PTPRR: variants seen among roughly 807,000 people sequenced by gnomAD.
PTPRR encodes the protein protein tyrosine phosphatase receptor type R.
In PTPRR, 38 loss-of-function variants were observed where a neutral mutation model predicts 77.2. That is an observed-to-expected ratio of 0.49 (90% CI 0.38 to 0.65). The LOEUF (loss-of-function observed/expected upper bound fraction) is 0.65, where lower values mean the gene tolerates loss of function less well. Among genes scored for constraint, PTPRR ranks in the 30% least tolerant of loss-of-function variants. PTPRR has a pLI of 0.00. For synonymous variants in PTPRR, 299 were observed against 283.1 expected (o/e 1.06, Z -0.57); for missense variants, 744 against 799.2 (o/e 0.93, Z 0.83).
intron 2 of PTPRR, among the ~76,000 whole-genome samples, chr12:70,806,017 T>C (rs1891703994): frequency 6.6e-6 from 1 of 152,212 alleles, no homozygotes; most frequent in Admixed American, 6.5e-5. Flanking sequence ...GACCTTTAAG[T>C]TCTGATGTGG....
chr12:70,718,898 T>C (rs2136838201), intron 6 of PTPRR, among the ~76,000 whole-genome samples: 1 of 152,332 alleles, frequency 6.6e-6, no homozygotes, highest in South Asian at 2.1e-4. Flanking sequence ...TTTGGACTTT[T>C]TTGCTTTCGT....
chr12:70,788,432 T>C (rs1404450518), intron 2 of PTPRR, among the ~76,000 whole-genome samples: 1 of 152,220 alleles, frequency 6.6e-6, no homozygotes, highest in Non-Finnish European at 1.5e-5. Context: ...AGTCATCTTT[T>C]CCCTGATGTC....
chr12:70,840,345 C>T (rs1892375904), intron 2 of PTPRR, among the ~76,000 whole-genome samples: 1 of 152,092 alleles, frequency 6.6e-6, no homozygotes, highest in Non-Finnish European at 1.5e-5. Flanking sequence ...CTTTTTCTCC[C>T]ACTTTTAAGG....
chr12:70,683,504 A>G (rs546889060), intron 10 of PTPRR, among the ~76,000 whole-genome samples: 1 of 152,204 alleles, frequency 6.6e-6, no homozygotes, highest in African/African-American at 2.4e-5. Context: ...CTGTCCTCAA[A>G]TCTCGTTTTC....
chr12:70,905,419 G>T (rs546726781), intron 1 of PTPRR, among the ~76,000 whole-genome samples: 74 of 151,950 alleles, frequency 4.9e-4, no homozygotes, highest in South Asian at 4.8e-3. Context: ...CTACCTGTGA[G>T]GGATAGAGTG....
intron 10 of PTPRR, chr12:70,672,555 C>T (rs1276776731): frequency 7.4e-7 from 1 of 1,350,338 alleles, no homozygotes; most frequent in Non-Finnish European, 1.1e-6. Flanking sequence ...CCTTCAACAC[C>T]TTCTACCCTC....
At chr12:70,910,385 G>T (rs1893683087) in intron 1 of PTPRR, among the ~76,000 whole-genome samples, 1 of 152,080 alleles carries the variant, frequency 6.6e-6, no homozygotes, top group African/African-American at 2.4e-5. Context: ...GTATAAGCAT[G>T]CCATTTCAAA....
At chr12:70,759,746 C>T (rs566650713) in intron 4 of PTPRR, among the ~76,000 whole-genome samples, 1 of 135,888 alleles carries the variant, frequency 7.4e-6, no homozygotes, top group East Asian at 2.2e-4. Flanking sequence ...CATACAAAAG[C>T]ATGAAGGAAG....
intron 2 of PTPRR, among the ~76,000 whole-genome samples, chr12:70,789,372 G>A (rs1037139023): frequency 3.9e-5 from 6 of 151,968 alleles, no homozygotes; most frequent in Non-Finnish European, 8.8e-5. Context: ...CTTGGTGCTA[G>A]GGTCTTTATA....
At chr12:70,675,502 C>G (rs1887411934) in intron 10 of PTPRR, among the ~76,000 whole-genome samples, 1 of 151,888 alleles carries the variant, frequency 6.6e-6, no homozygotes, top group East Asian at 1.9e-4. Context: ...AAAAGTCTAA[C>G]CTTGGCTTAT....
chr12:70,882,097 T>G (rs1195108576), intron 2 of PTPRR, among the ~76,000 whole-genome samples: 1 of 152,172 alleles, frequency 6.6e-6, no homozygotes, highest in Non-Finnish European at 1.5e-5. Context: ...TATTCTGTCA[T>G]CCTGTGTCTG....
rs78174878 is a variant in PTPRR at position 70,865,443 on chromosome 12, T to A, written c.357+27236A>T. 4.3e-4 allele frequency among the ~76,000 whole-genome samples: 66 copies of A among 152,194 alleles called. No homozygotes were observed. In the East Asian group the frequency reaches 0.011, roughly 26 times the overall value. On this transcript the variant is annotated intron_variant, in intron 2 of 13. Coordinates refer to ENST00000283228, the MANE Select transcript of PTPRR (RefSeq NM_002849.4). ...CACCTTCCAAATGACAGAGGACAGG[T>A]GGAAAATTTTCCTCCAGTGAAACGG...
At chr12:70,765,881 G>A (rs1039103210) in intron 2 of PTPRR, among the ~76,000 whole-genome samples, 7 of 152,306 alleles carry the variant, frequency 4.6e-5, no homozygotes, top group East Asian at 1.9e-4. Context: ...TGCAGCCACC[G>A]CTGCTATTAC....
At chr12:70,788,967 C>T in intron 2 of PTPRR, 1 of 1,216,794 alleles carries the variant, frequency 8.2e-7, no homozygotes, top group South Asian at 1.7e-5. Context: ...CTGGAGGTAA[C>T]CGCCTGGTAC....
intron 2 of PTPRR, among the ~76,000 whole-genome samples, chr12:70,792,978 A>G (rs930701483): frequency 6.6e-5 from 10 of 152,194 alleles, no homozygotes; most frequent in African/African-American, 4.8e-5. Flanking sequence ...GAAATCATTA[A>G]TGATCTACTA....
At chr12:70,716,115 C>G (rs924159601) in intron 6 of PTPRR, among the ~76,000 whole-genome samples, 1 of 152,162 alleles carries the variant, frequency 6.6e-6, no homozygotes, top group Non-Finnish European at 1.5e-5. Context: ...CGTTTGGGGT[C>G]CCTGACTTCC....
At chr12:70,791,260 T>C (rs1414033006) in intron 2 of PTPRR, among the ~76,000 whole-genome samples, 1 of 152,202 alleles carries the variant, frequency 6.6e-6, no homozygotes, top group Non-Finnish European at 1.5e-5. Context: ...TTCCACTTCA[T>C]TTATTCTAGT....
At chr12:70,728,969 A>G (rs936572564) in intron 6 of PTPRR, among the ~76,000 whole-genome samples, 18 of 152,144 alleles carry the variant, frequency 1.2e-4, no homozygotes, top group Non-Finnish European at 1.9e-4. Flanking sequence ...TTTGCAATCC[A>G]TGAGTTGTTT....
intron 2 of PTPRR, among the ~76,000 whole-genome samples, chr12:70,770,055 C>T (rs1195132874): frequency 5.3e-5 from 8 of 151,130 alleles, no homozygotes; most frequent in African/African-American, 2.0e-4. Context: ...CCATAAAAAC[C>T]CTAGAAGAAA....
Sources: gnomAD v4.1 joint callset for allele counts (sites outside exome capture counted in the v4.1 genomes callset) on GRCh38, gnomAD v4.1.1 for gene constraint, MANE v1.5 for transcripts, NCBI Gene and HGNC (gene_info 2026-07-23, HGNC 2026-07-21) for gene names.